The following GALNT13 variants were observed in gnomAD, a reference collection of about 807,000 sequenced individuals.
GALNT13 encodes the protein polypeptide N-acetylgalactosaminyltransferase 13.
GALNT13 carries 28 observed loss-of-function variants against 64.2 expected under a neutral mutation model. The ratio of observed to expected loss-of-function variants is 0.44; its 90% CI spans 0.32 to 0.60. The LOEUF is 0.60. Ranked by LOEUF, GALNT13 falls within the 20% of genes least tolerant of loss-of-function variation. GALNT13 has a pLI of 0.05. For missense variants in GALNT13, 577 were observed against 669.8 expected, an observed-to-expected ratio of 0.86 and a Z score of 1.53; for synonymous variants, 214 against 224.6, an observed-to-expected ratio of 0.95 and a Z score of 0.42.
chr2:153,853,126 A>G, the GALNT13 span, among the ~76,000 whole-genome samples: 5 of 152,184 alleles, frequency 3.3e-5, no homozygotes, highest in African/African-American at 1.2e-4. Context: ...TTTGAGGGCA[A>G]GAAGCATCTA....
chr2:153,203,531 G>A, the GALNT13 span, among the ~76,000 whole-genome samples: 3 of 152,082 alleles, frequency 2.0e-5, no homozygotes, highest in Non-Finnish European at 1.5e-5. Context: ...TTACAGATAT[G>A]CAAATTGAGG....
chr2:153,785,233 C>A, the GALNT13 span, among the ~76,000 whole-genome samples: 1 of 152,160 alleles, frequency 6.6e-6, no homozygotes, highest in Non-Finnish European at 1.5e-5. Flanking sequence ...AAAAAGTGAC[C>A]AGACTGCTTT....
chr2:153,604,683 AT>A, the GALNT13 span, among the ~76,000 whole-genome samples: 1 of 152,058 alleles, frequency 6.6e-6, no homozygotes, highest in Non-Finnish European at 1.5e-5. Flanking sequence ...CTAACTAGAT[AT>A]TCTTGTCATT....
intron 11 of GALNT13, chr2:154,435,896 G>T (rs1700942081): frequency 1.3e-5 from 2 of 152,050 alleles, no homozygotes; most frequent in African/African-American, 4.8e-5. Context: ...GACAATTATG[G>T]GTTAAAAAGC....
At chr2:153,543,749 G>A in the GALNT13 span, among the ~76,000 whole-genome samples, 3 of 152,128 alleles carry the variant, frequency 2.0e-5, no homozygotes, top group South Asian at 2.1e-4. Flanking sequence ...GTCACCTTAC[G>A]AATACATGCA....
chr2:153,762,724 G>T, the GALNT13 span: 1 of 151,614 alleles, frequency 6.6e-6, no homozygotes, highest in African/African-American at 2.4e-5. Context: ...AGCTCGGGCA[G>T]TTTCCACTTC....
chr2:153,203,268 A>C, the GALNT13 span, among the ~76,000 whole-genome samples: 2 of 152,226 alleles, frequency 1.3e-5, no homozygotes, highest in Non-Finnish European at 2.9e-5. Flanking sequence ...GGTGAGGTCT[A>C]TTCGTCTTCT....
chr2:153,768,545 G>T, the GALNT13 span, among the ~76,000 whole-genome samples: 1 of 152,176 alleles, frequency 6.6e-6, no homozygotes, highest in East Asian at 1.9e-4. Flanking sequence ...ATTATATAAT[G>T]CATTCTTTGG....
At chr2:154,368,179 G>T (rs1697479292) in intron 9 of GALNT13, among the ~76,000 whole-genome samples, 1 of 151,944 alleles carries the variant, frequency 6.6e-6, no homozygotes, top group Non-Finnish European at 1.5e-5. Context: ...AAATTCTCTG[G>T]CTCTGATGAC....
intron 3 of GALNT13, among the ~76,000 whole-genome samples, chr2:154,049,543 A>C (rs1699473148): frequency 6.7e-6 from 1 of 148,752 alleles, no homozygotes; most frequent in East Asian, 1.9e-4. Flanking sequence ...GTATCACTAC[A>C]GTGTTAAAGT....
At chr2:154,227,100 T>C (rs1236378679) in intron 4 of GALNT13, among the ~76,000 whole-genome samples, 1 of 152,064 alleles carries the variant, frequency 6.6e-6, no homozygotes, top group African/African-American at 2.4e-5. Context: ...TCTCTCGTAG[T>C]CAGGGTGATT....
intron 7 of GALNT13, among the ~76,000 whole-genome samples, chr2:154,246,714 G>A (rs979598518): frequency 1.3e-5 from 2 of 151,898 alleles, no homozygotes; most frequent in Non-Finnish European, 2.9e-5. Flanking sequence ...GATGAATTTG[G>A]CAAATCATCC....
chr2:153,288,565 A>G, the GALNT13 span, among the ~76,000 whole-genome samples: 241 of 152,198 alleles, frequency 1.6e-3, 7 homozygotes, highest in East Asian at 0.041. Flanking sequence ...GCTGTTAGTC[A>G]CTTAGTAGCC....
At chr2:153,563,508 T>C in the GALNT13 span, among the ~76,000 whole-genome samples, 1 of 152,130 alleles carries the variant, frequency 6.6e-6, no homozygotes, top group Non-Finnish European at 1.5e-5. Context: ...GATTTTCTTA[T>C]ACTGTGAGGG....
At chr2:153,456,646 G>A in the GALNT13 span, among the ~76,000 whole-genome samples, 7 of 152,134 alleles carry the variant, frequency 4.6e-5, no homozygotes, top group Non-Finnish European at 8.8e-5. Context: ...TCTGTTCTAT[G>A]GGCTTTATGT....
chr2:153,862,361 T>C, the GALNT13 span, among the ~76,000 whole-genome samples: 1 of 46,442 alleles, frequency 2.2e-5, no homozygotes, highest in Non-Finnish European at 7.6e-5. Flanking sequence ...TTCAATTCTA[T>C]TTCTTTATAA....
chr2:153,086,696 G>GTATTTTATTTTATTTTATT, the GALNT13 span, among the ~76,000 whole-genome samples: 172 of 150,490 alleles, frequency 1.1e-3, no homozygotes, highest in African/African-American at 4.0e-3. Flanking sequence ...CTATTCCTAA[G>GTATTTTATTTTATTTTATT]TATTTTATTT....
chr2:153,392,559 G>C, the GALNT13 span, among the ~76,000 whole-genome samples: 4 of 152,118 alleles, frequency 2.6e-5, no homozygotes, highest in Admixed American at 2.6e-4. Context: ...TAAGCTAGCA[G>C]GCTGGAGACC....
chr2:154,006,235 T>A (rs1696241861), intron 3 of GALNT13, among the ~76,000 whole-genome samples: 1 of 152,228 alleles, frequency 6.6e-6, no homozygotes. Context: ...AAGAAAATTA[T>A]GTGAATTACT....
Sources: gnomAD v4.1 joint callset for allele counts (sites outside exome capture counted in the v4.1 genomes callset) on GRCh38, gnomAD v4.1.1 for gene constraint, MANE v1.5 for transcripts, NCBI Gene and HGNC (gene_info 2026-07-23, HGNC 2026-07-21) for gene names.